Variants in UNC13C observed in about 807,000 individuals in gnomAD.
The protein encoded by UNC13C is protein unc-13 homolog C.
In UNC13C, 174 loss-of-function variants were observed where a neutral mutation model predicts 245.4. The ratio of observed to expected loss-of-function variants is 0.71; its 90% CI spans 0.63 to 0.80. The LOEUF is 0.80. Among genes scored for constraint, UNC13C ranks in the 30% least tolerant of loss-of-function variants. The probability of loss-of-function intolerance (pLI) is 0.00; values close to 1 mark genes in which losing one functional copy is unlikely to be tolerated. For missense variants in UNC13C, 2,829 were observed against 2,602.9 expected (o/e 1.09, Z -1.89); for synonymous variants, 992 against 895.1 (o/e 1.11, Z -1.93).
At chr15:53,886,923 G>A in the UNC13C span, among the ~76,000 whole-genome samples, 2 of 152,246 alleles carry the variant, frequency 1.3e-5, no homozygotes, top group East Asian at 3.9e-4. Flanking sequence ...TATGTGAGGA[G>A]TACTCCTAAA....
the UNC13C span, among the ~76,000 whole-genome samples, chr15:53,867,508 T>C: frequency 6.6e-6 from 1 of 152,190 alleles, no homozygotes; most frequent in Non-Finnish European, 1.5e-5. Context: ...AGTTCTTTAC[T>C]AATTCTGAAG....
chr15:53,845,679 A>G, the UNC13C span, among the ~76,000 whole-genome samples: 1 of 152,184 alleles, frequency 6.6e-6, no homozygotes, highest in Non-Finnish European at 1.5e-5. Flanking sequence ...GTTTAAGCTT[A>G]ATTTAACTGT....
At chr15:54,577,482 T>C (rs1245972977) in intron 30 of UNC13C, among the ~76,000 whole-genome samples, 1 of 152,168 alleles carries the variant, frequency 6.6e-6, no homozygotes, top group Non-Finnish European at 1.5e-5. Context: ...TGGGTCACAG[T>C]CTTGAGCAGG....
At chr15:54,125,769 A>T (rs1416224238) in intron 2 of UNC13C, among the ~76,000 whole-genome samples, 1 of 152,158 alleles carries the variant, frequency 6.6e-6, no homozygotes, top group Non-Finnish European at 1.5e-5. Context: ...TCTTCTAAGT[A>T]GATTGACTTC....
At chr15:54,461,126 C>T (rs969619996) in intron 19 of UNC13C, among the ~76,000 whole-genome samples, 1 of 151,696 alleles carries the variant, frequency 6.6e-6, no homozygotes, top group Non-Finnish European at 1.5e-5. Flanking sequence ...AAAACAATTG[C>T]TGCATATATT....
At chr15:53,903,841 CA>C in the UNC13C span, among the ~76,000 whole-genome samples, 1 of 672 alleles carries the variant, frequency 1.5e-3, no homozygotes, top group Non-Finnish European at 3.4e-3. Context: ...CTGACAGCTA[CA>C]TAGCTACATT....
intron 25 of UNC13C, among the ~76,000 whole-genome samples, chr15:54,531,792 C>G (rs1475187044): frequency 1.3e-5 from 2 of 151,974 alleles, no homozygotes; most frequent in African/African-American, 4.8e-5. Flanking sequence ...CTGATATCAC[C>G]ACAAAAAAGA....
intron 12 of UNC13C, among the ~76,000 whole-genome samples, chr15:54,299,202 C>T (rs1015175945): frequency 2.0e-5 from 3 of 152,146 alleles, no homozygotes; most frequent in Non-Finnish European, 4.4e-5. Context: ...AAAGTCTTTT[C>T]TACTGGTCCA....
intron 4 of UNC13C, among the ~76,000 whole-genome samples, chr15:54,223,933 A>G (rs1176464567): frequency 6.6e-6 from 1 of 151,852 alleles, no homozygotes; most frequent in East Asian, 1.9e-4. Context: ...TTTTGTTTTC[A>G]TATTGTTTGC....
chr15:54,554,410 C>A (rs1003430674), intron 28 of UNC13C, among the ~76,000 whole-genome samples: 5 of 151,990 alleles, frequency 3.3e-5, no homozygotes, highest in African/African-American at 1.2e-4. Flanking sequence ...ACTTGCCAAG[C>A]CGTATGTGTT....
At chr15:54,472,916 T>G (rs1483005824) in intron 19 of UNC13C, among the ~76,000 whole-genome samples, 1 of 151,922 alleles carries the variant, frequency 6.6e-6, no homozygotes, top group Non-Finnish European at 1.5e-5. Context: ...GTTGCATGGG[T>G]ATATTGCATT....
chr15:54,358,549 A>T (rs2039151141), intron 17 of UNC13C, among the ~76,000 whole-genome samples: 1 of 152,044 alleles, frequency 6.6e-6, no homozygotes, highest in Admixed American at 6.6e-5. Flanking sequence ...CCATGTTTAA[A>T]TGTATCACTA....
the UNC13C span, among the ~76,000 whole-genome samples, chr15:53,848,941 A>G: frequency 2.6e-5 from 4 of 152,018 alleles, no homozygotes; most frequent in African/African-American, 9.7e-5. Context: ...CTTGTCTCAT[A>G]TTAAGAACAA....
chr15:54,554,644 A>G (rs1341240638), intron 28 of UNC13C, among the ~76,000 whole-genome samples: 1 of 152,058 alleles, frequency 6.6e-6, no homozygotes. Context: ...GGCACAAAAT[A>G]AACACTCAAT....
intron 30 of UNC13C, among the ~76,000 whole-genome samples, chr15:54,602,869 T>G (rs1316463079): frequency 1.1e-4 from 1 of 9,284 alleles, no homozygotes; most frequent in East Asian, 3.3e-3. Context: ...ACGTGATGTC[T>G]TTTAAAGTCC....
intron 2 of UNC13C, among the ~76,000 whole-genome samples, chr15:54,106,653 T>G (rs1217963518): frequency 6.6e-6 from 1 of 152,144 alleles, no homozygotes; most frequent in Non-Finnish European, 1.5e-5. Context: ...TCTTATCATT[T>G]CCCCCACCAA....
At chr15:54,341,962 C>T (rs1226611559) in intron 17 of UNC13C, among the ~76,000 whole-genome samples, 10 of 141,244 alleles carry the variant, frequency 7.1e-5, no homozygotes, top group African/African-American at 1.0e-4. Context: ...GGCGACAGAG[C>T]GAGACTCTGT....
chr15:54,042,182 A>G (rs1429076638), intron 2 of UNC13C, among the ~76,000 whole-genome samples: 1 of 152,218 alleles, frequency 6.6e-6, no homozygotes, highest in East Asian at 1.9e-4. Context: ...CAACCTCTAT[A>G]AAATATCACA....
intron 19 of UNC13C, among the ~76,000 whole-genome samples, chr15:54,418,490 G>T (rs978089874): frequency 1.3e-5 from 2 of 152,050 alleles, no homozygotes; most frequent in African/African-American, 2.4e-5. Flanking sequence ...GTTTCTTCCC[G>T]CACCCTGTCT....
Sources: allele counts gnomAD v4.1 joint callset (sites outside exome capture counted in the v4.1 genomes callset), GRCh38; gene constraint gnomAD v4.1.1; transcripts MANE v1.5; gene names NCBI Gene and HGNC (gene_info 2026-07-23, HGNC 2026-07-21).